MYSM1: variants seen among roughly 807,000 people sequenced by gnomAD.
MYSM1 encodes Myb like, SWIRM and MPN domains 1.
In MYSM1, 51 loss-of-function variants were observed where a neutral mutation model predicts 116.0. That is an observed-to-expected ratio of 0.44 (90% CI 0.35 to 0.56). MYSM1 has a LOEUF of 0.56. Among genes scored for constraint, MYSM1 ranks in the 20% least tolerant of loss-of-function variants. The probability of loss-of-function intolerance (pLI) is 0.00; values close to 1 mark genes in which losing one functional copy is unlikely to be tolerated. For synonymous variants in MYSM1, 313 were observed against 315.2 expected (o/e 0.99, Z 0.07); for missense variants, 900 against 974.9 (o/e 0.92, Z 1.02).
chr1:58,669,185 G>A lies in MYSM1; in HGVS notation c.1662-147C>T, dbSNP rs528360899. ...TGTAGGAAATTCCATAAACCCTTTC[G>A]AAAGAAGCACTGTTCTTTTAGATTT... On this transcript the variant is annotated intron_variant, in intron 12 of 19. Coordinates refer to ENST00000472487, the MANE Select transcript of MYSM1 (RefSeq NM_001085487.3). 2.3e-5 allele frequency: 13 copies of A among 571,334 alleles called. No homozygotes were observed. In the East Asian group the frequency reaches 2.6e-4, roughly 12 times the overall value. 35.4% of individuals were successfully genotyped at this position (571,334 alleles called of 1,614,324 possible). A position where few individuals can be genotyped will look rare whatever the true frequency, so the allele number is the denominator to read the frequency against.
rs976633155 is a variant in MYSM1, at chr1:58,689,081, A to T, written c.356T>A (p.Val119Glu). The T allele has an allele frequency of 6.2e-7, 1 of 1,611,710 alleles. No homozygotes were observed. Among genetic ancestry groups the T allele is most frequent in the Non-Finnish European group, 8.5e-7 (1 of 1,179,494 alleles). The change falls in exon 6 of 20, where the codon GTA becomes GAA. Residue 119 changes from valine (V) to glutamate (E), a missense_variant. By Grantham distance (121) the Val-to-Glu change is moderately radical. Coordinates refer to ENST00000472487, the MANE Select transcript of MYSM1 (RefSeq NM_001085487.3). ...CTCTTTTTCTTCTATCGTCCACTTTACTGAGTAACTGGCTGGTTTTGTAGG... is the reference window on the plus strand; with the variant it reads ...CTCTTTTTCTTCTATCGTCCACTTTTCTGAGTAACTGGCTGGTTTTGTAGG... ...HSPTKPASYS[V>E]KWTIEEKELF...
chr1:58,671,813 A>G, intron 12 of MYSM1, 57 bp downstream of exon 12: 1 of 1,260,636 alleles, frequency 7.9e-7, no homozygotes, highest in Non-Finnish European at 1.1e-6. Flanking sequence ...ATTTTTTCAT[A>G]TATTATCTAG....
At position 58,685,253 on chromosome 1, in the gene MYSM1, T is replaced by G; in HGVS notation, c.400-2A>C. ...GGTCCATCTTCGGCCAAATTTAGCC[T>G]GTATTATTAAAATGGGAAAAAAAAT... On this transcript the variant is annotated splice_acceptor_variant, in intron 6 of 19. Transcript: ENST00000472487. LOFTEE classifies it high-confidence loss of function. 6.2e-7 allele frequency: 1 copy of G among 1,603,992 alleles called. No individual in the cohort carries two copies. The highest frequency in any genetic ancestry group is 8.5e-7 in the Non-Finnish European group (1 of 1,176,552).
rs376040517 is a variant in MYSM1, at chr1:58,657,355, CATT to C, written c.*2639_*2641del. 5.3e-5 allele frequency: 8 copies of C among 152,016 alleles called. No homozygotes were observed. Among genetic ancestry groups the C allele is most frequent in the African/African-American group, 1.9e-4 (8 of 41,392 alleles). 9.4% of individuals were successfully genotyped at this position (152,016 alleles called of 1,614,324 possible). A position where few individuals can be genotyped will look rare whatever the true frequency, so the allele number is the denominator to read the frequency against. On this transcript the variant is annotated 3_prime_UTR_variant, in exon 20 of 20. Transcript: ENST00000472487. The stretch of plus-strand genomic sequence containing the variant: ...TTAGTCCTTTCTCCACTTCTGTAAA[CATT>C]ATTAAAGGCAGGTGTTCCTTTGAGA...
rs1438962919 is a variant in MYSM1, at chr1:58,657,524, A to G, written c.*2473T>C. On this transcript the variant is annotated 3_prime_UTR_variant, in exon 20 of 20. Transcript: ENST00000472487. ...CAATGTGGGTACCTGTGGTTGCAAA[A>G]TTGTTTTAAGAATATGACAAAAGAA... The G allele has an allele frequency of 6.6e-6, 1 of 152,140 alleles. No individual in the cohort carries two copies. The highest frequency in any genetic ancestry group is 1.5e-5 in the Non-Finnish European group (1 of 68,032). The allele number at this position is 152,140 out of a possible 1,614,324, so 9.4% of individuals were successfully genotyped here. A position where few individuals can be genotyped will look rare whatever the true frequency, so the allele number is the denominator to read the frequency against.
In MYSM1 at chr1:58,661,437, A is replaced by G. The variant is rs533470492; in HGVS notation, c.2239T>C (p.Trp747Arg). The G allele has an allele frequency of 1.2e-6, 2 of 1,603,550 alleles. No homozygotes were observed. Among genetic ancestry groups the G allele is most frequent in the East Asian group, 4.5e-5 (2 of 44,786 alleles). ...QWGLVFEKTR[W>R]IIEKYRLSHS... Reference sequence around the variant, plus strand: ...GAGAGCCTGTATTTTTCTATTATCCATCTTGTCTTTTCAAATACTAATCCC... The same window carrying G: ...GAGAGCCTGTATTTTTCTATTATCCGTCTTGTCTTTTCAAATACTAATCCC... Residue 747 changes from tryptophan (W) to arginine (R), a missense_variant, in exon 18 of 20, where the codon TGG becomes CGG. Around this residue, in one of 3 missense-constraint regions of MYSM1, gnomAD observed 186 missense variants for 196.2 expected, o/e 0.95. Coordinates refer to ENST00000472487, the MANE Select transcript of MYSM1 (RefSeq NM_001085487.3).
At chr1:58,689,278 G>C in intron 5 of MYSM1, 162 bp from the exon 6 acceptor site, 1 of 566,890 alleles carries the variant, frequency 1.8e-6, no homozygotes, top group Non-Finnish European at 3.0e-6. Flanking sequence ...GCCTCTACCT[G>C]GGGGCAGAGA....
rs1359577771 is a variant in MYSM1 at position 58,695,115 on chromosome 1, T to C, written c.147+14A>G. 6.5e-7 allele frequency: 1 copy of C among 1,535,028 alleles called. No individual in the cohort carries two copies. Among genetic ancestry groups the C allele is most frequent in the Non-Finnish European group, 9.0e-7 (1 of 1,110,434 alleles). ...AACAGCTTAATGCACCTGATATTTT[T>C]ATAAAATACTTACAATAAGGCCATT... On this transcript the variant is annotated intron_variant, in intron 2 of 19. Transcript: ENST00000472487.
chr1:58,675,352 C>A, intron 10 of MYSM1, 125 bp downstream of exon 10: 1 of 676,866 alleles, frequency 1.5e-6, no homozygotes, highest in South Asian at 2.1e-5. Context: ...TAAGGTGAAA[C>A]ACAAGAGGAA....
intron 16 of MYSM1, 39 bp from the exon 17 acceptor site, chr1:58,665,670 T>C (rs1557505953): frequency 5.2e-6 from 7 of 1,353,128 alleles, no homozygotes; most frequent in Non-Finnish European, 7.2e-6. Context: ...TTCAACTATA[T>C]AAATTCAAAA....
At chr1:58,662,455 C>T (rs908342848) in intron 17 of MYSM1, among the ~76,000 whole-genome samples, 2 of 39,814 alleles carry the variant, frequency 5.0e-5, no homozygotes, top group East Asian at 2.0e-3. Context: ...CCATTATTCA[C>T]CCCCCCCTTT....
Position 58,682,021 on chromosome 1 carries a change from T to C in MYSM1, c.1023A>G (p.Pro341=), listed in dbSNP as rs1203861800. The change falls in exon 8 of 20, where the codon CCA becomes CCG. Residue 341 remains proline, a synonymous_variant. Coordinates refer to ENST00000472487, the MANE Select transcript of MYSM1 (RefSeq NM_001085487.3). ...IIVDARQLPS[P]EPCEIQKNLN... ...AATTTTTCTGAATTTCACAAGGCTCTGGAGAAGGCAACTGCCTGGCATCAA... is the reference window on the plus strand; with the variant it reads ...AATTTTTCTGAATTTCACAAGGCTCCGGAGAAGGCAACTGCCTGGCATCAA... The C allele has an allele frequency of 6.2e-7, 1 of 1,614,196 alleles. No homozygotes were observed. The highest frequency in any genetic ancestry group is 1.7e-5 in the Admixed American group (1 of 60,034).
At chr1:58,698,605 T>C (rs994467067) in intron 1 of MYSM1, among the ~76,000 whole-genome samples, 6 of 152,114 alleles carry the variant, frequency 3.9e-5, no homozygotes, top group Non-Finnish European at 7.3e-5. Flanking sequence ...ATACAGCCAA[T>C]GCCCTCAGGT....
rs12402204 is a variant in MYSM1, at chr1:58,700,036, G to A, written c.17C>T (p.Ala6Val). 1.7e-5 allele frequency: 27 copies of A among 1,613,588 alleles called. 1 individual carries two copies. The South Asian group carries it at 2.4e-4, about 14-fold the overall frequency. MAAEE[A>V]DVDIEGDVVA... Reference sequence around the variant, plus strand: ...CACGTCCCCTTCGATATCCACATCCGCCTCTTCAGCCGCCATGATGGGACC... The same window carrying A: ...CACGTCCCCTTCGATATCCACATCCACCTCTTCAGCCGCCATGATGGGACC... The change falls in exon 1 of 20, where the codon GCG becomes GTG. Residue 6 changes from alanine (A) to valine (V), a missense_variant. Physicochemically the swap from Ala to Val is moderately conservative, Grantham distance 64. Coordinates refer to ENST00000472487, the MANE Select transcript of MYSM1 (RefSeq NM_001085487.3).
At chr1:58,698,102 A>ATATATATATATATTTTTGTTTTTTTTT in intron 1 of MYSM1, among the ~76,000 whole-genome samples, 1 of 7,776 alleles carries the variant, frequency 1.3e-4, no homozygotes, top group Non-Finnish European at 3.6e-4. Flanking sequence ...ATATATATAT[A>ATATATATATATATTTTTGTTTTTTTTT]TTTTTTTTTT....
At chr1:58,691,775 G>A (rs912587546) in intron 3 of MYSM1, among the ~76,000 whole-genome samples, 1 of 152,102 alleles carries the variant, frequency 6.6e-6, no homozygotes, top group Non-Finnish European at 1.5e-5. Context: ...GCTGAGGCAG[G>A]AGAATCGCTT....
rs1644309125 is a variant in MYSM1, at chr1:58,655,572, A to AAG, written c.*4424_*4425insCT. 6.6e-6 allele frequency: 1 copy of AAG among 152,206 alleles called. No individual in the cohort carries two copies. Among genetic ancestry groups the AAG allele is most frequent in the Non-Finnish European group, 1.5e-5 (1 of 68,026 alleles). The allele number at this position is 152,206 out of a possible 1,614,324, so 9.4% of individuals were successfully genotyped here. Reference sequence around the variant, plus strand: ...ATAGACTCAGAATATACTAGAAAGTATAATTATAGGTTAAATAAAAAAGAA... The same window carrying AAG: ...ATAGACTCAGAATATACTAGAAAGTAAGTAATTATAGGTTAAATAAAAAAGAA... On this transcript the variant is annotated 3_prime_UTR_variant, in exon 20 of 20. Transcript: ENST00000472487.
At position 58,668,010 on chromosome 1, in the gene MYSM1, T is replaced by C. The variant is rs1644501602; in HGVS notation, c.1768-89A>G. The stretch of plus-strand genomic sequence containing the variant: ...TCACTTATCATAAGAAAGTCATTTG[T>C]AAGTATAGCCATCATGCTTTTATAA... On this transcript the variant is annotated intron_variant, in intron 14 of 19. Coordinates refer to ENST00000472487, the MANE Select transcript of MYSM1 (RefSeq NM_001085487.3). 4.5e-6 allele frequency: 4 copies of C among 890,844 alleles called. No individual in the cohort carries two copies. In the South Asian group the frequency reaches 5.3e-5, roughly 12 times the overall value. The allele number at this position is 890,844 out of a possible 1,614,324, so 55.2% of individuals were successfully genotyped here. A position where few individuals can be genotyped will look rare whatever the true frequency, so the allele number is the denominator to read the frequency against.
At chr1:58,661,294 A>G in intron 18 of MYSM1, 67 bp from the exon 19 acceptor site, 4 of 1,394,282 alleles carry the variant, frequency 2.9e-6, no homozygotes, top group Non-Finnish European at 4.1e-6. Context: ...TTCATAATAA[A>G]CTATCACGGA....
Sources: allele counts gnomAD v4.1 joint callset (sites outside exome capture counted in the v4.1 genomes callset), GRCh38; gene constraint gnomAD v4.1.1; regional missense constraint gnomAD v4.1.1; transcripts MANE v1.5; gene names NCBI Gene and HGNC (gene_info 2026-07-23, HGNC 2026-07-21).